The following CDH23 variants were observed in gnomAD, a reference collection of about 807,000 sequenced individuals.
The protein encoded by CDH23 is cadherin related 23.
In CDH23, 189 loss-of-function variants were observed where a neutral mutation model predicts 317.1. That is an observed-to-expected ratio of 0.60 (90% CI 0.53 to 0.67). The LOEUF (loss-of-function observed/expected upper bound fraction) is 0.67, where lower values mean the gene tolerates loss of function less well. Ranked by LOEUF, CDH23 falls within the 30% of genes least tolerant of loss-of-function variation. CDH23 has a pLI of 0.00. For synonymous variants in CDH23, 1,839 were observed against 1,876.8 expected (o/e 0.98, Z 0.52); for missense variants, 4,401 against 4,592.4 (o/e 0.96, Z 1.20).
At chr10:71,734,600 C>G in intron 33 of CDH23, 56 bp from the exon 34 acceptor site, 1 of 1,588,202 alleles carries the variant, frequency 6.3e-7, no homozygotes, top group Non-Finnish European at 8.6e-7. Context: ...GACGGCTAAC[C>G]ATTTGCATCT....
chr10:71,811,789 G>C, intron 65 of CDH23, 36 bp downstream of exon 65: 1 of 1,558,782 alleles, frequency 6.4e-7, no homozygotes. Context: ...CAGGTGAGAA[G>C]GCAGTGGGCT....
At chr10:71,642,254 G>T (rs1862586537) in intron 11 of CDH23, among the ~76,000 whole-genome samples, 1 of 152,036 alleles carries the variant, frequency 6.6e-6, no homozygotes, top group South Asian at 2.1e-4. Flanking sequence ...ATTGCTGACT[G>T]CAAGGCCAAT....
At chr10:71,763,696 A>G (rs1349493339) in intron 38 of CDH23, among the ~76,000 whole-genome samples, 3 of 152,238 alleles carry the variant, frequency 2.0e-5, no homozygotes, top group Non-Finnish European at 2.9e-5. Context: ...GAGTTGAGGC[A>G]ACGGTTAGTA....
intron 69 of CDH23, 121 bp from the exon 70 acceptor site, chr10:71,814,831 G>A (rs116244142): frequency 8.5e-6 from 10 of 1,173,342 alleles, no homozygotes; most frequent in Middle Eastern, 2.6e-4. Flanking sequence ...AACAGAGTCT[G>A]ACAGGCCTGC....
intron 38 of CDH23, among the ~76,000 whole-genome samples, chr10:71,761,084 C>T (rs1412785354): frequency 2.0e-5 from 3 of 152,204 alleles, no homozygotes; most frequent in African/African-American, 4.8e-5. Flanking sequence ...CACCCACACA[C>T]ACCCTGGCAT....
Position 71,775,096 on chromosome 10 carries a change from T to C in CDH23, c.4846-2584T>C, listed in dbSNP as rs142001883. Among the ~76,000 whole-genome samples the C allele has an allele frequency of 7.2e-5, 11 of 152,312 alleles. No homozygotes were observed. In the East Asian group the frequency reaches 2.1e-3, roughly 29 times the overall value. ...AGGTCCTTGGGCATGCTCCTGGCCT[T>C]GTGACCCCACCTTGGAAGGCAGCCC... On this transcript the variant is annotated intron_variant, in intron 38 of 69. Coordinates refer to ENST00000224721, the MANE Select transcript of CDH23 (RefSeq NM_022124.6).
intron 1 of CDH23, among the ~76,000 whole-genome samples, chr10:71,438,434 T>C (rs1044284615): frequency 6.6e-6 from 1 of 151,802 alleles, no homozygotes; most frequent in African/African-American, 2.4e-5. Context: ...TCTCATACTT[T>C]GTAATTAGGA....
rs1429725227 is a variant in CDH23, at chr10:71,703,716, G to A, written c.2733+1022G>A. 2.6e-5 allele frequency among the ~76,000 whole-genome samples: 4 copies of A among 152,306 alleles called. No individual in the cohort carries two copies. The East Asian group carries it at 7.7e-4, about 29-fold the overall frequency. ...GCCTCAGTTTCTTCATCTGTAGGAG[G>A]AGGTGAATGGTGTTCTTTGGCAGGT... On this transcript the variant is annotated intron_variant, in intron 24 of 69. Transcript: ENST00000224721.
At chr10:71,549,261 A>C (rs1856453640) in intron 6 of CDH23, among the ~76,000 whole-genome samples, 1 of 152,246 alleles carries the variant, frequency 6.6e-6, no homozygotes, top group South Asian at 2.1e-4. Flanking sequence ...GCTGGAAAGA[A>C]CTGGATTTGG....
chr10:71,644,234 C>A (rs2132590266), intron 12 of CDH23, among the ~76,000 whole-genome samples: 1 of 152,348 alleles, frequency 6.6e-6, no homozygotes, highest in Non-Finnish European at 1.5e-5. Context: ...CCGCGGCTTG[C>A]CTGGACCCCA....
chr10:71,606,795 T>TG (rs1264722815), intron 9 of CDH23, among the ~76,000 whole-genome samples: 2 of 151,970 alleles, frequency 1.3e-5, no homozygotes, highest in Non-Finnish European at 2.9e-5. Flanking sequence ...GAGTGACATT[T>TG]GAATGGAGGC....
intron 14 of CDH23, among the ~76,000 whole-genome samples, chr10:71,672,277 GGGCC>G (rs1237032063): frequency 1.3e-5 from 2 of 152,068 alleles, no homozygotes; most frequent in Admixed American, 1.3e-4. Context: ...TAGACATTCA[GGGCC>G]GACAATGTGT....
chr10:71,673,949 G>A (rs1864251688), intron 14 of CDH23, among the ~76,000 whole-genome samples: 1 of 152,194 alleles, frequency 6.6e-6, no homozygotes, highest in Non-Finnish European at 1.5e-5. Flanking sequence ...CACCCCCTGA[G>A]AACCTGGGAT....
At position 71,798,451 on chromosome 10, in the gene CDH23, C is replaced by A. The variant is rs765133274; in HGVS notation, c.6927C>A (p.Ala2309=). The A allele has an allele frequency of 1.1e-4, 172 of 1,613,816 alleles. No homozygotes were observed. The highest frequency in any genetic ancestry group is 1.4e-4 in the Non-Finnish European group (166 of 1,179,820). Residue 2309 remains alanine (A), a synonymous_variant, in exon 50 of 70, where the codon GCC becomes GCA. Coordinates refer to ENST00000224721, the MANE Select transcript of CDH23 (RefSeq NM_022124.6). ...TYYMERILEG[A]TPGTTLIAVA... is the part of the protein sequence containing the mutation. ...ACATGGAGCGGATCCTGGAGGGGGC[C>A]ACCCCTGGGACCACACTCATTGCTG...
At chr10:71,775,730 C>T (rs1023100667) in intron 38 of CDH23, among the ~76,000 whole-genome samples, 2 of 152,160 alleles carry the variant, frequency 1.3e-5, no homozygotes. Flanking sequence ...TCAAACTCTC[C>T]ACTCCCAGCC....
At chr10:71,785,759 T>G in intron 44 of CDH23, 21 bp downstream of exon 44, 1 of 1,469,178 alleles carries the variant, frequency 6.8e-7, no homozygotes, top group Non-Finnish European at 9.4e-7. Flanking sequence ...AGGGCACTGG[T>G]GGGAGTGGGC....
chr10:71,578,642 G>T (rs1184333151), intron 9 of CDH23, among the ~76,000 whole-genome samples: 3 of 152,156 alleles, frequency 2.0e-5, no homozygotes, highest in African/African-American at 7.2e-5. Context: ...GCTGTCCCAG[G>T]GCTGGGTGGT....
chr10:71,429,041 T>C (rs1849247641), intron 1 of CDH23, among the ~76,000 whole-genome samples: 1 of 152,118 alleles, frequency 6.6e-6, no homozygotes, highest in East Asian at 1.9e-4. Context: ...TTTTACTCTG[T>C]TGATAGTGTC....
rs373081031 is a variant in CDH23 at position 71,679,360 on chromosome 10, G to C, written c.1753-27G>C. 3 of 1,372,478 alleles carry C rather than the reference G, an allele frequency of 2.2e-6. No individual in the cohort carries two copies. The South Asian group carries it at 3.5e-5, about 16-fold the overall frequency. 85.0% of individuals were successfully genotyped at this position (1,372,478 alleles called of 1,614,324 possible). A position where few individuals can be genotyped will look rare whatever the true frequency, so the allele number is the denominator to read the frequency against. The stretch of plus-strand genomic sequence containing the variant: ...GGCCCCCAGTCTCCTGCAGGCTCAC[G>C]GCCCTTGTCTGCCCTCTTCCTTTCA... On this transcript the variant is annotated intron_variant, in intron 16 of 69. Transcript: ENST00000224721.
Sources: gnomAD v4.1 joint callset for allele counts (sites outside exome capture counted in the v4.1 genomes callset) on GRCh38, gnomAD v4.1.1 for gene constraint, MANE v1.5 for transcripts, NCBI Gene and HGNC (gene_info 2026-07-23, HGNC 2026-07-21) for gene names.